Variants in EPHB1 observed in about 807,000 individuals in gnomAD.
EPHB1 encodes the protein ephrin type-B receptor 1.
Under a neutral mutation model 94.4 loss-of-function variants are expected in EPHB1, and 30 were observed. The ratio of observed to expected loss-of-function variants is 0.32; its 90% CI spans 0.24 to 0.43. The LOEUF (loss-of-function observed/expected upper bound fraction) is 0.43. EPHB1 is among the 20% of genes least tolerant of loss of function. The probability of loss-of-function intolerance (pLI) is 1.00; values close to 1 mark genes in which losing one functional copy is unlikely to be tolerated. For missense variants in EPHB1, 1,055 were observed against 1,308.3 expected (o/e 0.81, Z 2.99); for synonymous variants, 522 against 489.1 (o/e 1.07, Z -0.89).
chr3:135,086,519 T>C (rs1252033477), intron 3 of EPHB1, among the ~76,000 whole-genome samples: 4 of 151,750 alleles, frequency 2.6e-5, no homozygotes, highest in Non-Finnish European at 4.4e-5. Context: ...ACTAGCAAGC[T>C]GCTAAACATC....
chr3:135,030,934 T>G (rs1411466490), intron 3 of EPHB1, among the ~76,000 whole-genome samples: 1 of 152,164 alleles, frequency 6.6e-6, no homozygotes, highest in Non-Finnish European at 1.5e-5. Flanking sequence ...GGTGCGCCAT[T>G]TTTTAAGCCC....
At chr3:134,802,056 A>G (rs2035944375) in intron 1 of EPHB1, among the ~76,000 whole-genome samples, 1 of 152,198 alleles carries the variant, frequency 6.6e-6, no homozygotes, top group African/African-American at 2.4e-5. Flanking sequence ...TCATTGTTAA[A>G]TAGACTGGAG....
chr3:134,805,958 C>T (rs2036035352), intron 1 of EPHB1, among the ~76,000 whole-genome samples: 1 of 152,110 alleles, frequency 6.6e-6, no homozygotes, highest in African/African-American at 2.4e-5. Flanking sequence ...GCCTCTGAAG[C>T]ATGGGTTCTA....
chr3:135,125,320 T>C (rs1204947986), intron 4 of EPHB1, among the ~76,000 whole-genome samples: 1 of 151,658 alleles, frequency 6.6e-6, no homozygotes, highest in East Asian at 1.9e-4. Context: ...ATAGAATCTT[T>C]AGAAGCACCC....
chr3:135,149,847 T>C (rs6773811), intron 5 of EPHB1, among the ~76,000 whole-genome samples: 6,224 of 152,286 alleles, frequency 0.041, 428 homozygotes, highest in African/African-American at 0.14. Context: ...CTGGCAGCTC[T>C]TCCCAGACCC....
intron 1 of EPHB1, among the ~76,000 whole-genome samples, chr3:134,830,726 A>G (rs2036566670): frequency 6.6e-6 from 1 of 152,182 alleles, no homozygotes; most frequent in African/African-American, 2.4e-5. Context: ...ACCGTGTTCA[A>G]GGGTTCCCTT....
At position 134,984,268 on chromosome 3, in the gene EPHB1, C is replaced by T. The variant is rs974605868; in HGVS notation, c.805+32216C>T. 1.1e-4 allele frequency among the ~76,000 whole-genome samples: 16 copies of T among 152,124 alleles called. No homozygotes were observed. The Middle Eastern group carries it at 0.014, about 130-fold the overall frequency. On this transcript the variant is annotated intron_variant, in intron 3 of 15. Transcript: ENST00000398015. The stretch of plus-strand genomic sequence containing the variant: ...GGGTGAGGATCATCCTCTTGGTGGC[C>T]CCACAGCTGTGGGCTCCACTGCAGC...
chr3:135,079,333 G>T (rs1350059856), intron 3 of EPHB1, among the ~76,000 whole-genome samples: 1 of 152,162 alleles, frequency 6.6e-6, no homozygotes, highest in Non-Finnish European at 1.5e-5. Context: ...GCCATATGAG[G>T]AGACTTCTGC....
chr3:135,133,010 C>G lies in EPHB1; in HGVS notation c.1258C>G (p.Pro420Ala), dbSNP rs547087223. ...AGTCTCCAGCAAGAGTCCCTTCCCCCCACAGCACGTCTCTGTCAACATCAC... is the reference window on the plus strand; with the variant it reads ...AGTCTCCAGCAAGAGTCCCTTCCCCGCACAGCACGTCTCTGTCAACATCAC... ...NGVSSKSPFP[P>A]QHVSVNITTN... The change falls in exon 5 of 16, where the codon CCA becomes GCA. Residue 420 changes from proline to alanine, a missense_variant. Coordinates refer to ENST00000398015, the MANE Select transcript of EPHB1 (RefSeq NM_004441.5). 7 of 1,605,042 alleles carry G rather than the reference C, an allele frequency of 4.4e-6. No individual in the cohort carries two copies. In the East Asian group the frequency reaches 9.0e-5, roughly 21 times the overall value.
intron 1 of EPHB1, among the ~76,000 whole-genome samples, chr3:134,839,907 G>A (rs113453424): frequency 0.016 from 2,396 of 152,268 alleles, 37 homozygotes; most frequent in Middle Eastern, 0.024. Flanking sequence ...ATTTGCTCAG[G>A]ATGGGCCAGG....
At chr3:135,094,174 G>C (rs1027116068) in intron 3 of EPHB1, among the ~76,000 whole-genome samples, 1 of 152,194 alleles carries the variant, frequency 6.6e-6, no homozygotes, top group African/African-American at 2.4e-5. Context: ...GGGAAAGAGG[G>C]CAGGCCAGCA....
At chr3:135,173,695 C>T (rs957185902) in intron 9 of EPHB1, among the ~76,000 whole-genome samples, 13 of 152,208 alleles carry the variant, frequency 8.5e-5, no homozygotes, top group Admixed American at 8.5e-4. Flanking sequence ...AGTCTTCAGC[C>T]TTCCTGCTAC....
Position 134,951,753 on chromosome 3 carries a change from C to T in EPHB1, c.506C>T (p.Thr169Ile), listed in dbSNP as rs2107715850. 3 of 1,614,070 alleles carry T rather than the reference C, an allele frequency of 1.9e-6. No individual in the cohort carries two copies. Among genetic ancestry groups the T allele is most frequent in the South Asian group, 1.1e-5 (1 of 91,082 alleles). The change falls in exon 3 of 16, where the codon ACT (threonine) becomes ATT (isoleucine). Residue 169 changes from threonine (T) to isoleucine (I), a missense_variant. Thr to Ile is a moderately conservative substitution (Grantham distance 89). Coordinates refer to ENST00000398015, the MANE Select transcript of EPHB1 (RefSeq NM_004441.5). The surrounding 1 kb of genome is among the most constrained non-coding windows in gnomAD (Gnocchi z 4.5). The stretch of plus-strand genomic sequence containing the variant: ...GAAGTCAGGAGCTTTGGGCCTCTTA[C>T]TCGGAATGGTTTTTACCTCGCTTTT... ...NTEVRSFGPL[T>I]RNGFYLAFQD... is the part of the protein sequence containing the mutation.
intron 3 of EPHB1, among the ~76,000 whole-genome samples, chr3:135,023,479 G>A (rs1446902700): frequency 1.3e-5 from 2 of 152,258 alleles, no homozygotes; most frequent in East Asian, 3.9e-4. Flanking sequence ...TCCAGAAATT[G>A]TTAAATATTT....
At chr3:135,243,138 A>G (rs943400988) in intron 13 of EPHB1, among the ~76,000 whole-genome samples, 6 of 151,964 alleles carry the variant, frequency 3.9e-5, no homozygotes, top group African/African-American at 1.4e-4. Context: ...TATCCTGCCC[A>G]AGACCTTAAT....
Position 134,805,259 on chromosome 3 carries a change from T to A in EPHB1, c.58+9570T>A, listed in dbSNP as rs1050977220. Among the ~76,000 whole-genome samples the A allele has an allele frequency of 3.3e-5, 5 of 152,246 alleles. No individual in the cohort carries two copies. In the East Asian group the frequency reaches 7.7e-4, roughly 24 times the overall value. On this transcript the variant is annotated intron_variant, in intron 1 of 15. Coordinates refer to ENST00000398015, the MANE Select transcript of EPHB1 (RefSeq NM_004441.5). ...AAGCCCATCCGGGGATGCTCTCAGC[T>A]CCTTTGACAATGCCTCCAAATGGTT...
At chr3:135,166,120 C>A in intron 8 of EPHB1, 44 bp downstream of exon 8, 2 of 1,492,570 alleles carry the variant, frequency 1.3e-6, no homozygotes, top group South Asian at 1.1e-5. Context: ...CCCAGGAAGC[C>A]CCTCTCCATG....
At chr3:135,047,201 G>C (rs1937023003) in intron 3 of EPHB1, among the ~76,000 whole-genome samples, 1 of 152,222 alleles carries the variant, frequency 6.6e-6, no homozygotes, top group African/African-American at 2.4e-5. Context: ...GAGGGAGAGA[G>C]AGGAAAAGAA....
chr3:135,128,799 G>C (rs931070290), intron 4 of EPHB1, among the ~76,000 whole-genome samples: 1 of 152,180 alleles, frequency 6.6e-6, no homozygotes, highest in African/African-American at 2.4e-5. Flanking sequence ...AGTTACGGGA[G>C]TAAATGAGTG....
Sources: allele counts gnomAD v4.1 joint callset (sites outside exome capture counted in the v4.1 genomes callset), GRCh38; gene constraint gnomAD v4.1.1; non-coding constraint Gnocchi (gnomAD v3.1); transcripts MANE v1.5; gene names NCBI Gene and HGNC (gene_info 2026-07-23, HGNC 2026-07-21).